Variants in GULP1 observed in about 807,000 individuals in gnomAD.
GULP1 encodes the protein PTB domain-containing engulfment adapter protein 1.
Under a neutral mutation model 40.9 loss-of-function variants are expected in GULP1, and 19 were observed. That is an observed-to-expected ratio of 0.46 (90% CI 0.32 to 0.68). GULP1 has a LOEUF of 0.68. GULP1 is among the 30% of genes least tolerant of loss of function. The pLI is 0.03. For synonymous variants in GULP1, 119 were observed against 117.6 expected, an observed-to-expected ratio of 1.01 and a Z score of -0.08; for missense variants, 312 against 362.2, an observed-to-expected ratio of 0.86 and a Z score of 1.12.
chr2:188,388,221 T>G (rs2152533212), intron 2 of GULP1, among the ~76,000 whole-genome samples: 1 of 152,112 alleles, frequency 6.6e-6, no homozygotes, highest in Non-Finnish European at 1.5e-5. Flanking sequence ...CTTAATCCAG[T>G]CTATCCCTTT....
intron 2 of GULP1, among the ~76,000 whole-genome samples, chr2:188,402,785 G>T (rs576296582): frequency 2.6e-5 from 4 of 151,906 alleles, no homozygotes; most frequent in African/African-American, 9.7e-5. Context: ...TCTGCCCTAG[G>T]ATTTTTAACA....
chr2:188,423,914 C>G (rs1048321274), intron 2 of GULP1, among the ~76,000 whole-genome samples: 4 of 151,894 alleles, frequency 2.6e-5, no homozygotes, highest in Admixed American at 2.6e-4. Context: ...AATACACACA[C>G]ACATACATAC....
chr2:188,594,653 T>C lies in GULP1; in HGVS notation c.*642T>C, dbSNP rs1374472231. On this transcript the variant is annotated 3_prime_UTR_variant, in exon 12 of 12. Transcript: ENST00000409830. Reference sequence around the variant, plus strand: ...GCAAGGTGATGTTAGTTATGATCAGTTATACTCTAAATATTTAATTTGTTT... The same window carrying C: ...GCAAGGTGATGTTAGTTATGATCAGCTATACTCTAAATATTTAATTTGTTT... The C allele has an allele frequency of 6.6e-6, 1 of 151,752 alleles. No individual in the cohort carries two copies. Among genetic ancestry groups the C allele is most frequent in the African/African-American group, 2.4e-5 (1 of 41,396 alleles). 9.4% of individuals were successfully genotyped at this position (151,752 alleles called of 1,614,324 possible).
At chr2:188,441,881 C>A (rs925959712) in intron 2 of GULP1, among the ~76,000 whole-genome samples, 1 of 152,024 alleles carries the variant, frequency 6.6e-6, no homozygotes, top group Non-Finnish European at 1.5e-5. Context: ...TGCAACAGAT[C>A]TAAAATGGCT....
chr2:188,576,372 A>T (rs1010048493), intron 9 of GULP1, among the ~76,000 whole-genome samples: 3 of 152,098 alleles, frequency 2.0e-5, no homozygotes, highest in Non-Finnish European at 4.4e-5. Context: ...ATATGAGACT[A>T]CTTTTTTGTT....
chr2:188,588,181 T>C, intron 11 of GULP1: 2 of 504,692 alleles, frequency 4.0e-6, no homozygotes, highest in Non-Finnish European at 7.3e-6. Flanking sequence ...GTCAATAAGA[T>C]GGTTCATTTT....
rs1391349005 is a variant in GULP1, at chr2:188,443,088, T to C, written c.-44-34571T>C. 5.9e-5 allele frequency among the ~76,000 whole-genome samples: 9 copies of C among 152,154 alleles called. No homozygotes were observed. The East Asian group carries it at 1.7e-3, about 29-fold the overall frequency. ...TTAAAACTATTCATGTTTGAACCCC[T>C]GTTGGATTTGTATAATGGTCTTGGG... On this transcript the variant is annotated intron_variant, in intron 2 of 11. Transcript: ENST00000409830.
intron 1 of GULP1, among the ~76,000 whole-genome samples, chr2:188,343,249 C>T (rs952521060): frequency 6.6e-6 from 1 of 151,656 alleles, no homozygotes; most frequent in Non-Finnish European, 1.5e-5. Flanking sequence ...GAGGATAATT[C>T]ATGAAGAAAT....
At chr2:188,546,086 A>G (rs938100607) in intron 7 of GULP1, among the ~76,000 whole-genome samples, 5 of 152,014 alleles carry the variant, frequency 3.3e-5, no homozygotes, top group Non-Finnish European at 7.4e-5. Context: ...TGAGAAACAA[A>G]AACAGATAGA....
At chr2:188,341,955 T>G (rs961873512) in intron 1 of GULP1, among the ~76,000 whole-genome samples, 2 of 152,218 alleles carry the variant, frequency 1.3e-5, no homozygotes, top group Non-Finnish European at 2.9e-5. Context: ...GGCACTTAAC[T>G]TTTTTTGTTT....
chr2:188,485,362 A>G (rs1256348111), intron 4 of GULP1, among the ~76,000 whole-genome samples: 2 of 152,006 alleles, frequency 1.3e-5, no homozygotes, highest in Non-Finnish European at 2.9e-5. Context: ...ACAGTAAAAT[A>G]TGGAAGGGCA....
At chr2:188,523,978 G>T (rs1406929287) in intron 5 of GULP1, among the ~76,000 whole-genome samples, 1 of 152,152 alleles carries the variant, frequency 6.6e-6, no homozygotes, top group Non-Finnish European at 1.5e-5. Flanking sequence ...TAATAATTCA[G>T]ATTTGCCTTT....
chr2:188,324,578 T>C (rs549480525), intron 1 of GULP1, among the ~76,000 whole-genome samples: 1 of 151,888 alleles, frequency 6.6e-6, no homozygotes, highest in Non-Finnish European at 1.5e-5. Context: ...TTTAAACAAT[T>C]TAAATTGGTA....
intron 2 of GULP1, among the ~76,000 whole-genome samples, chr2:188,456,362 G>C (rs141987869): frequency 1.5e-3 from 231 of 152,252 alleles, no homozygotes; most frequent in Non-Finnish European, 2.0e-3. Flanking sequence ...TGAGGTCCCC[G>C]TGCTGTGTGC....
chr2:188,588,018 T>C (rs1302321472), intron 11 of GULP1, 69 bp downstream of exon 11: 1 of 849,524 alleles, frequency 1.2e-6, no homozygotes, highest in Non-Finnish European at 2.1e-6. Flanking sequence ...GAGAATGTTA[T>C]GTACCAAAAC....
At chr2:188,489,051 C>T (rs2062111361) in intron 4 of GULP1, among the ~76,000 whole-genome samples, 1 of 151,586 alleles carries the variant, frequency 6.6e-6, no homozygotes, top group African/African-American at 2.4e-5. Context: ...TTTTTGAGAA[C>T]ATATGATAAA....
chr2:188,428,637 G>T (rs1346433397), intron 2 of GULP1, among the ~76,000 whole-genome samples: 1 of 152,030 alleles, frequency 6.6e-6, no homozygotes, highest in Non-Finnish European at 1.5e-5. Flanking sequence ...CTCCCTGTTG[G>T]CTTTCTTCCA....
chr2:188,480,063 A>G (rs1003494267), intron 3 of GULP1, among the ~76,000 whole-genome samples: 2 of 152,082 alleles, frequency 1.3e-5, no homozygotes, highest in Admixed American at 6.6e-5. Context: ...TCACCAGTCA[A>G]TCCTGACTCT....
chr2:188,316,795 C>G (rs535523467), intron 1 of GULP1, among the ~76,000 whole-genome samples: 2 of 152,016 alleles, frequency 1.3e-5, no homozygotes, highest in East Asian at 3.9e-4. Context: ...AGTAGAATCC[C>G]CATAAAAGTA....
Sources: allele counts gnomAD v4.1 joint callset (sites outside exome capture counted in the v4.1 genomes callset), GRCh38; gene constraint gnomAD v4.1.1; transcripts MANE v1.5; gene names NCBI Gene and HGNC (gene_info 2026-07-23, HGNC 2026-07-21).